The following LRP1B variants were observed in gnomAD, a reference collection of about 807,000 sequenced individuals.
The protein encoded by LRP1B is low-density lipoprotein receptor-related protein 1B.
Under a neutral mutation model 556.6 loss-of-function variants are expected in LRP1B, and 217 were observed. That is an observed-to-expected ratio of 0.39 (90% CI 0.35 to 0.44). The LOEUF (loss-of-function observed/expected upper bound fraction) is 0.44. LRP1B is among the 20% of genes least tolerant of loss of function. The pLI, the probability that LRP1B is intolerant of heterozygous loss-of-function variation, is 1.00. For missense variants in LRP1B, 5,053 were observed against 5,620.8 expected (o/e 0.90, Z 3.23); for synonymous variants, 2,047 against 1,865.8 (o/e 1.10, Z -2.50).
chr2:140,879,101 T>C (rs1271568182), intron 25 of LRP1B, among the ~76,000 whole-genome samples: 1 of 152,166 alleles, frequency 6.6e-6, no homozygotes. Context: ...CCAATAGATG[T>C]AGATAAGGCT....
intron 47 of LRP1B, among the ~76,000 whole-genome samples, chr2:140,528,576 G>A (rs1252018272): frequency 6.6e-6 from 1 of 151,730 alleles, no homozygotes; most frequent in Non-Finnish European, 1.5e-5. Context: ...GTGTGTAAGA[G>A]GTGCAAGTAG....
intron 7 of LRP1B, 51 bp from the exon 8 acceptor site, chr2:141,062,324 G>C (rs371067117): frequency 8.3e-7 from 1 of 1,204,484 alleles, no homozygotes; most frequent in Non-Finnish European, 1.2e-6. Flanking sequence ...AGGGAAGCAC[G>C]TTTGATGGAG....
intron 2 of LRP1B, among the ~76,000 whole-genome samples, chr2:141,712,709 G>C (rs1558821665): frequency 6.6e-6 from 1 of 151,554 alleles, no homozygotes; most frequent in Non-Finnish European, 1.5e-5. Context: ...CACTCTTGTT[G>C]CCCCGGCTAG....
At chr2:141,826,667 TA>T (rs1254985006) in intron 1 of LRP1B, among the ~76,000 whole-genome samples, 1 of 152,132 alleles carries the variant, frequency 6.6e-6, no homozygotes, top group African/African-American at 2.4e-5. Flanking sequence ...CCAGAAGTTT[TA>T]AAAAATAGGT....
At chr2:142,064,220 T>C (rs1296366796) in intron 1 of LRP1B, among the ~76,000 whole-genome samples, 1 of 151,538 alleles carries the variant, frequency 6.6e-6, no homozygotes, top group Non-Finnish European at 1.5e-5. Context: ...CCCACCTATC[T>C]GTACTCTATT....
chr2:141,870,714 A>T (rs576522382), intron 1 of LRP1B, among the ~76,000 whole-genome samples: 2 of 151,946 alleles, frequency 1.3e-5, no homozygotes, highest in Non-Finnish European at 2.9e-5. Context: ...TGTAGGAGTC[A>T]TAGGATGGGA....
At chr2:140,322,515 T>TC (rs1680196411) in intron 81 of LRP1B, among the ~76,000 whole-genome samples, 1 of 151,360 alleles carries the variant, frequency 6.6e-6, no homozygotes, top group Non-Finnish European at 1.5e-5. Flanking sequence ...ACAAAAACAA[T>TC]CCCCCCGCCT....
intron 2 of LRP1B, among the ~76,000 whole-genome samples, chr2:141,681,190 G>T (rs1270534011): frequency 6.6e-6 from 1 of 152,096 alleles, no homozygotes; most frequent in East Asian, 1.9e-4. Flanking sequence ...CTCCTTGGAG[G>T]CTGAGGTGGG....
chr2:141,546,604 T>A (rs749843223), intron 2 of LRP1B, among the ~76,000 whole-genome samples: 1 of 152,150 alleles, frequency 6.6e-6, no homozygotes, highest in Non-Finnish European at 1.5e-5. Flanking sequence ...TACCAACTTG[T>A]GTGAGGAATT....
intron 59 of LRP1B, among the ~76,000 whole-genome samples, chr2:140,478,144 CTTTTT>C (rs35948232): frequency 4.8e-5 from 3 of 62,780 alleles, no homozygotes; most frequent in Non-Finnish European, 3.2e-5. Flanking sequence ...TATAACTTAA[CTTTTT>C]TTTTTTTTTT....
intron 31 of LRP1B, among the ~76,000 whole-genome samples, chr2:140,825,878 G>T (rs368276207): frequency 4.5e-4 from 68 of 152,330 alleles, no homozygotes; most frequent in African/African-American, 1.5e-3. Context: ...TGTCAACATG[G>T]CTAGGCTGTG....
chr2:141,555,192 C>T (rs1685917218), intron 2 of LRP1B, among the ~76,000 whole-genome samples: 1 of 151,980 alleles, frequency 6.6e-6, no homozygotes, highest in Admixed American at 6.6e-5. Flanking sequence ...AATAAACAAA[C>T]ACCACTACAA....
intron 21 of LRP1B, among the ~76,000 whole-genome samples, chr2:140,919,996 A>C (rs972850737): frequency 6.6e-6 from 1 of 152,076 alleles, no homozygotes; most frequent in African/African-American, 2.4e-5. Flanking sequence ...AACCTTATAC[A>C]ATCCTACTTT....
intron 63 of LRP1B, among the ~76,000 whole-genome samples, chr2:140,447,319 G>A (rs2105309028): frequency 6.6e-6 from 1 of 151,690 alleles, no homozygotes; most frequent in Non-Finnish European, 1.5e-5. Context: ...ATATACACAG[G>A]CATACCTAGA....
At chr2:142,028,166 A>G (rs556225704) in intron 1 of LRP1B, among the ~76,000 whole-genome samples, 1 of 152,078 alleles carries the variant, frequency 6.6e-6, no homozygotes, top group Admixed American at 6.6e-5. Context: ...GAGAGAGGGG[A>G]TATTTTGTTT....
At chr2:141,780,996 T>G (rs1574352278) in intron 2 of LRP1B, among the ~76,000 whole-genome samples, 2 of 152,086 alleles carry the variant, frequency 1.3e-5, no homozygotes, top group African/African-American at 4.8e-5. Context: ...AATGAGGAAA[T>G]GGGATGTAGG....
At chr2:141,514,958 G>A (rs1317396616) in intron 2 of LRP1B, among the ~76,000 whole-genome samples, 1 of 152,138 alleles carries the variant, frequency 6.6e-6, no homozygotes, top group Non-Finnish European at 1.5e-5. Flanking sequence ...CTTTTGAGAG[G>A]AAACCTGGTC....
At chr2:140,386,284 T>A (rs188589446) in intron 66 of LRP1B, among the ~76,000 whole-genome samples, 5 of 152,250 alleles carry the variant, frequency 3.3e-5, no homozygotes, top group Admixed American at 6.5e-5. Context: ...TTTTAAAAAA[T>A]CAAAATTGGC....
intron 27 of LRP1B, among the ~76,000 whole-genome samples, chr2:140,859,796 C>A (rs146727833): frequency 6.6e-6 from 1 of 151,924 alleles, no homozygotes; most frequent in Admixed American, 6.6e-5. Flanking sequence ...AGATCGAGAC[C>A]ATCCTGGCTA....
Sources: allele counts gnomAD v4.1 joint callset (sites outside exome capture counted in the v4.1 genomes callset), GRCh38; gene constraint gnomAD v4.1.1; transcripts MANE v1.5; gene names NCBI Gene and HGNC (gene_info 2026-07-23, HGNC 2026-07-21).